Variants in ADAM22 observed in about 807,000 individuals in gnomAD.
ADAM22 encodes the protein ADAM metallopeptidase domain 22.
In ADAM22, 65 loss-of-function variants were observed where a neutral mutation model predicts 144.6. The observed-to-expected ratio is 0.45, with a 90% CI of 0.37 to 0.55. The LOEUF (loss-of-function observed/expected upper bound fraction) is 0.55. Ranked by LOEUF, ADAM22 falls within the 20% of genes least tolerant of loss-of-function variation. ADAM22 has a pLI of 0.00. For synonymous variants in ADAM22, 391 were observed against 412.6 expected (o/e 0.95, Z 0.63); for missense variants, 974 against 1,184.9 (o/e 0.82, Z 2.61).
intron 2 of ADAM22, among the ~76,000 whole-genome samples, chr7:87,963,453 A>G (rs969889502): frequency 1.3e-5 from 2 of 152,266 alleles, no homozygotes; most frequent in Non-Finnish European, 2.9e-5. Flanking sequence ...AAAAAAAACT[A>G]TTATAAAATA....
chr7:88,094,849 A>T (rs777855925), intron 4 of ADAM22, among the ~76,000 whole-genome samples: 2 of 152,230 alleles, frequency 1.3e-5, no homozygotes, highest in Non-Finnish European at 2.9e-5. Flanking sequence ...ACTCCAGGAC[A>T]TATCTGTGGT....
chr7:87,978,573 A>G (rs1051602354), intron 3 of ADAM22, among the ~76,000 whole-genome samples, 161 bp downstream of exon 3: 5 of 152,240 alleles, frequency 3.3e-5, no homozygotes, highest in African/African-American at 1.2e-4. Flanking sequence ...AAAGTCTGGC[A>G]GATAACAAGA....
At chr7:88,019,021 A>G (rs887652468) in intron 3 of ADAM22, among the ~76,000 whole-genome samples, 3 of 152,184 alleles carry the variant, frequency 2.0e-5, no homozygotes, top group Non-Finnish European at 4.4e-5. Flanking sequence ...CATATTATAC[A>G]TAGTGGTTTT....
At chr7:88,186,723 A>G in intron 30 of ADAM22, 22 bp downstream of exon 30, 1 of 1,440,254 alleles carries the variant, frequency 6.9e-7, no homozygotes, top group Non-Finnish European at 9.8e-7. Flanking sequence ...ATTAATTTTT[A>G]TATCCTTCTC....
At chr7:88,069,028 C>T (rs1812014781) in intron 3 of ADAM22, among the ~76,000 whole-genome samples, 1 of 152,054 alleles carries the variant, frequency 6.6e-6, no homozygotes, top group Admixed American at 6.6e-5. Context: ...TGGCTGCACT[C>T]ACAGGCCTGG....
intron 4 of ADAM22, among the ~76,000 whole-genome samples, chr7:88,095,318 T>C (rs1332573995): frequency 6.6e-6 from 1 of 152,188 alleles, no homozygotes; most frequent in African/African-American, 2.4e-5. Context: ...TAGCATAATA[T>C]TTGTTCATAG....
At chr7:87,955,994 G>T (rs902516085) in intron 2 of ADAM22, among the ~76,000 whole-genome samples, 2 of 152,174 alleles carry the variant, frequency 1.3e-5, no homozygotes, top group Non-Finnish European at 2.9e-5. Flanking sequence ...CGCAGTATTC[G>T]GGTGGGAGTG....
Position 88,168,183 on chromosome 7 carries a change from T to C in ADAM22, c.2238T>C (p.Ile746=), listed in dbSNP as rs1167177573. 6.2e-7 allele frequency: 1 copy of C among 1,613,382 alleles called. No homozygotes were observed. The highest frequency in any genetic ancestry group is 2.2e-5 in the East Asian group (1 of 44,826). The change falls in exon 25 of 32, where the codon ATT becomes ATC. Residue 746 remains isoleucine, a synonymous_variant. Coordinates refer to ENST00000413139, the MANE Select transcript of ADAM22 (RefSeq NM_001324418.2). The stretch of plus-strand genomic sequence containing the variant: ...TAATAGGCATAATTGCTGGCACCAT[T>C]TTAGTGCTGGCCCTCATATTAGGAA... ...NIIIGIIAGT[I]LVLALILGIT...
At chr7:87,959,595 G>A (rs1275747595) in intron 2 of ADAM22, among the ~76,000 whole-genome samples, 1 of 152,118 alleles carries the variant, frequency 6.6e-6, no homozygotes, top group Admixed American at 6.5e-5. Flanking sequence ...AGGACAAGAT[G>A]CTCCGTTTTA....
chr7:88,019,947 A>G (rs1393877035), intron 3 of ADAM22, among the ~76,000 whole-genome samples: 1 of 151,906 alleles, frequency 6.6e-6, no homozygotes, highest in East Asian at 1.9e-4. Context: ...CTCAAATGAT[A>G]AAAAACTACA....
chr7:87,973,736 C>T (rs990881756), intron 2 of ADAM22, among the ~76,000 whole-genome samples: 1 of 152,140 alleles, frequency 6.6e-6, no homozygotes. Context: ...GGCACATATA[C>T]ACCATGGAAT....
chr7:87,996,090 C>T (rs1791154172), intron 3 of ADAM22, among the ~76,000 whole-genome samples: 1 of 152,130 alleles, frequency 6.6e-6, no homozygotes, highest in Non-Finnish European at 1.5e-5. Context: ...GTAATAGGGA[C>T]ACGGCCGTGC....
At chr7:88,131,667 A>T in intron 11 of ADAM22, 1 of 541,190 alleles carries the variant, frequency 1.8e-6, no homozygotes, top group African/African-American at 1.9e-5. Context: ...CAAGATATTT[A>T]AATAGAGCAT....
chr7:88,109,554 G>A (rs1329034243), intron 5 of ADAM22, among the ~76,000 whole-genome samples: 4 of 152,020 alleles, frequency 2.6e-5, no homozygotes, highest in Non-Finnish European at 4.4e-5. Context: ...TCTTAGAGAT[G>A]TGGCTTTTCA....
chr7:88,041,631 C>T (rs991880046), intron 3 of ADAM22, among the ~76,000 whole-genome samples: 10 of 151,984 alleles, frequency 6.6e-5, no homozygotes, highest in African/African-American at 2.2e-4. Context: ...GAGAGATACA[C>T]GCCAGTACTT....
chr7:88,020,323 TG>T (rs1324718656), intron 3 of ADAM22, among the ~76,000 whole-genome samples: 3 of 152,198 alleles, frequency 2.0e-5, no homozygotes, highest in African/African-American at 7.2e-5. Context: ...AATTTGGGAT[TG>T]GTTGGCTAAG....
intron 3 of ADAM22, among the ~76,000 whole-genome samples, chr7:88,053,131 C>A (rs1430380065): frequency 2.0e-5 from 3 of 152,038 alleles, no homozygotes; most frequent in Non-Finnish European, 4.4e-5. Context: ...TTCATGTATG[C>A]ATGTATATGT....
intron 2 of ADAM22, among the ~76,000 whole-genome samples, chr7:87,947,798 A>C (rs1844078244): frequency 6.6e-6 from 1 of 152,190 alleles, no homozygotes; most frequent in Non-Finnish European, 1.5e-5. Flanking sequence ...TTATGGAATA[A>C]AAATTATTTT....
chr7:88,075,930 T>A (rs1475498341), intron 4 of ADAM22, among the ~76,000 whole-genome samples: 4 of 152,210 alleles, frequency 2.6e-5, no homozygotes, highest in African/African-American at 9.6e-5. Flanking sequence ...AGGATTGCTA[T>A]AGCTGCAAGT....
Sources: allele counts gnomAD v4.1 joint callset (sites outside exome capture counted in the v4.1 genomes callset), GRCh38; gene constraint gnomAD v4.1.1; transcripts MANE v1.5; gene names NCBI Gene and HGNC (gene_info 2026-07-23, HGNC 2026-07-21).